Variants in EGF observed in about 807,000 individuals in gnomAD.
EGF encodes the protein epidermal growth factor.
Under a neutral mutation model 143.8 loss-of-function variants are expected in EGF, and 95 were observed. The observed-to-expected ratio is 0.66, with a 90% CI of 0.56 to 0.78. EGF has a LOEUF of 0.78. EGF is among the 30% of genes least tolerant of loss of function. The probability of loss-of-function intolerance (pLI) is 0.00; values close to 1 mark genes in which losing one functional copy is unlikely to be tolerated. For synonymous variants in EGF, 510 were observed against 510.5 expected, an observed-to-expected ratio of 1.00 and a Z score of 0.01; for missense variants, 1,320 against 1,470.9, an observed-to-expected ratio of 0.90 and a Z score of 1.68.
chr4:109,963,043 TGAAA>T, intron 8 of EGF, 126 bp from the exon 9 acceptor site: 2 of 1,108,906 alleles, frequency 1.8e-6, no homozygotes, highest in Non-Finnish European at 2.6e-6. Context: ...CCAGCCTGGG[TGAAA>T]GAGTGAAACT....
intron 15 of EGF, 151 bp from the exon 16 acceptor site, chr4:109,983,271 T>A: frequency 2.3e-6 from 2 of 866,950 alleles, no homozygotes; most frequent in Admixed American, 4.3e-5. Flanking sequence ...GTTTACTAAG[T>A]TACCAAGACC....
chr4:110,006,548 T>C (rs930129510), intron 22 of EGF, among the ~76,000 whole-genome samples: 9 of 152,240 alleles, frequency 5.9e-5, no homozygotes, highest in Non-Finnish European at 1.3e-4. Flanking sequence ...AGCTCTAGAA[T>C]GTGTTGGTTC....
At chr4:109,937,007 A>G (rs1303405461) in intron 1 of EGF, among the ~76,000 whole-genome samples, 1 of 152,100 alleles carries the variant, frequency 6.6e-6, no homozygotes, top group Non-Finnish European at 1.5e-5. Flanking sequence ...AAGAATGTGT[A>G]TTCTGTTGAT....
intron 1 of EGF, among the ~76,000 whole-genome samples, chr4:109,924,642 T>TA (rs1253214093): frequency 6.6e-6 from 1 of 152,160 alleles, no homozygotes; most frequent in Non-Finnish European, 1.5e-5. Context: ...AACTAACCCT[T>TA]ACAAAATTCA....
Position 109,941,019 on chromosome 4 carries a change from GC to G in EGF, c.202del (p.Gln68AsnfsTer10). 6.2e-7 allele frequency: 1 copy of G among 1,613,980 alleles called. No individual in the cohort carries two copies. The highest frequency in any genetic ancestry group is 8.5e-7 in the Non-Finnish European group (1 of 1,179,898). ...TTGACACAGAAGGAACCAATTATGAGCAATTGGTGGTGGATGCTGGTGTCTC... is the reference window on the plus strand; with the variant it reads ...TTGACACAGAAGGAACCAATTATGAGAATTGGTGGTGGATGCTGGTGTCTC... ...RIDTEGTNYEQLVVDAGVSVI... is the reference protein window; with the variant it reads ...RIDTEGTNYEXLVVDAGVSVI... On this transcript the variant is annotated frameshift_variant, in exon 2 of 24. Coordinates refer to ENST00000265171, the MANE Select transcript of EGF (RefSeq NM_001963.6). LOFTEE classifies it high-confidence loss of function.
intron 1 of EGF, among the ~76,000 whole-genome samples, chr4:109,917,966 T>C (rs1202674738): frequency 6.6e-6 from 1 of 152,180 alleles, no homozygotes; most frequent in Non-Finnish European, 1.5e-5. Flanking sequence ...GTTCCATCAG[T>C]AAAATAATTA....
chr4:109,943,998 A>T lies in EGF; in HGVS notation c.666A>T (p.Glu222Asp). The T allele has an allele frequency of 6.2e-7, 1 of 1,614,234 alleles. No homozygotes were observed. The highest frequency in any genetic ancestry group is 8.5e-7 in the Non-Finnish European group (1 of 1,180,032). The stretch of plus-strand genomic sequence containing the variant: ...TGTTTTGGATTCAGTACAACAGAGA[A>T]GGAAGCAATTCTCTTATTTGCTCCT... ...KRLFWIQYNREGSNSLICSCD... is the reference protein window; with the variant it reads ...KRLFWIQYNRDGSNSLICSCD... The change falls in exon 4 of 24, where the codon GAA (glutamate) becomes GAT (aspartate). Residue 222 changes from glutamate to aspartate, a missense_variant. Physicochemically the swap from Glu to Asp is conservative, Grantham distance 45 (BLOSUM62 2). Coordinates refer to ENST00000265171, the MANE Select transcript of EGF (RefSeq NM_001963.6).
chr4:109,969,417 C>G (rs770099515), intron 11 of EGF, among the ~76,000 whole-genome samples: 2 of 151,886 alleles, frequency 1.3e-5, no homozygotes, highest in Non-Finnish European at 2.9e-5. Context: ...AACACATGGA[C>G]AGAGGGAGGG....
intron 21 of EGF, among the ~76,000 whole-genome samples, chr4:110,000,245 C>T (rs901249675): frequency 4.1e-5 from 5 of 122,026 alleles, no homozygotes; most frequent in South Asian, 5.6e-4. Context: ...AGCGAGACTC[C>T]GTGTCAAAAA....
At chr4:109,936,055 C>T (rs1431923488) in intron 1 of EGF, among the ~76,000 whole-genome samples, 1 of 152,072 alleles carries the variant, frequency 6.6e-6, no homozygotes, top group Admixed American at 6.6e-5. Context: ...ATGATGCTGG[C>T]CTCATAAAAT....
chr4:109,955,551 A>G (rs1363938986), intron 5 of EGF, among the ~76,000 whole-genome samples: 1 of 152,206 alleles, frequency 6.6e-6, no homozygotes, highest in Non-Finnish European at 1.5e-5. Context: ...TTTCCTGCCT[A>G]TGTCCATTAT....
intron 5 of EGF, among the ~76,000 whole-genome samples, chr4:109,954,911 T>C (rs951947445): frequency 6.6e-6 from 1 of 152,198 alleles, no homozygotes; most frequent in African/African-American, 2.4e-5. Flanking sequence ...CAAGGGCTTG[T>C]TATGAAAATG....
chr4:109,945,404 T>C, intron 5 of EGF, 129 bp downstream of exon 5: 1 of 778,570 alleles, frequency 1.3e-6, no homozygotes, highest in Middle Eastern at 3.5e-4. Flanking sequence ...TTCTTAGTCA[T>C]AATAGACCCC....
At chr4:109,982,758 A>G (rs1241674226) in intron 15 of EGF, among the ~76,000 whole-genome samples, 3 of 152,054 alleles carry the variant, frequency 2.0e-5, no homozygotes, top group Non-Finnish European at 2.9e-5. Context: ...TCCTTTTGCC[A>G]TATCAGTACA....
chr4:109,985,214 G>C (rs1265068405), intron 16 of EGF, among the ~76,000 whole-genome samples: 2 of 152,132 alleles, frequency 1.3e-5, no homozygotes, highest in Non-Finnish European at 2.9e-5. Flanking sequence ...TGATTGTCCT[G>C]GTGAAAAACC....
chr4:110,008,070 C>A, intron 22 of EGF, 82 bp from the exon 23 acceptor site: 4 of 1,261,478 alleles, frequency 3.2e-6, no homozygotes, highest in Non-Finnish European at 4.6e-6. Flanking sequence ...CATCGTAAAG[C>A]CATAGACTTT....
chr4:109,913,745 T>C (rs906120964), intron 1 of EGF, among the ~76,000 whole-genome samples: 17 of 152,224 alleles, frequency 1.1e-4, no homozygotes, highest in East Asian at 3.9e-4. Flanking sequence ...CTTCAGCTTT[T>C]ACTCTGACAA....
Position 110,004,134 on chromosome 4 carries a change from C to T in EGF, c.3174-371C>T, listed in dbSNP as rs893744937. The T allele has an allele frequency of 1.4e-4, 50 of 349,494 alleles. No homozygotes were observed. In the Middle Eastern group the frequency reaches 3.1e-3, roughly 21 times the overall value. 21.6% of individuals were successfully genotyped at this position (349,494 alleles called of 1,614,324 possible). Reference sequence around the variant, plus strand: ...CTATATCATCAGTACTAGGACAGTGCCTGGGGTATAGTTAGTACTCAATAG... The same window carrying T: ...CTATATCATCAGTACTAGGACAGTGTCTGGGGTATAGTTAGTACTCAATAG... On this transcript the variant is annotated intron_variant, in intron 21 of 23. Transcript: ENST00000265171.
intron 10 of EGF, among the ~76,000 whole-genome samples, chr4:109,966,032 TA>T (rs200537911): frequency 1.8e-4 from 27 of 147,880 alleles, no homozygotes; most frequent in African/African-American, 5.3e-4. Context: ...CCCATATCTT[TA>T]AAAAAATATA....
Sources: allele counts gnomAD v4.1 joint callset (sites outside exome capture counted in the v4.1 genomes callset), GRCh38; gene constraint gnomAD v4.1.1; transcripts MANE v1.5; gene names NCBI Gene and HGNC (gene_info 2026-07-23, HGNC 2026-07-21).